Variants in CCNB3 observed in about 807,000 individuals in gnomAD.
The protein encoded by CCNB3 is cyclin B3.
In CCNB3, 12 loss-of-function variants were observed where a neutral mutation model predicts 68.0. The observed-to-expected ratio is 0.18, with a 90% confidence interval of 0.11 to 0.29. The LOEUF (loss-of-function observed/expected upper bound fraction) is 0.29, where lower values mean the gene tolerates loss of function less well. Among genes scored for constraint, CCNB3 ranks in the 10% least tolerant of loss-of-function variants. The pLI is 1.00. For synonymous variants in CCNB3, 354 were observed against 388.9 expected, an observed-to-expected ratio of 0.91 and a Z score of 1.06; for missense variants, 904 against 993.1, an observed-to-expected ratio of 0.91 and a Z score of 1.21.
At chrX:50,203,854 G>A (rs1444502726), upstream of CCNB3, among the ~76,000 whole-genome samples, 3 of 111,611 alleles carry the variant, frequency 2.7e-5, no homozygotes, top group African/African-American at 9.8e-5. Context: ...CCATAACCTT[G>A]CGGTAGAAAA....
At chrX:50,284,427 T>A (rs1936199959) in intron 1 of CCNB3, 115 bp from the exon 2 acceptor site, 1 of 112,004 alleles carries the variant, frequency 8.9e-6, no homozygotes, top group South Asian at 3.7e-4. Flanking sequence ...GGCATTTAGT[T>A]CTCACAGTTC....
chrX:50,311,594 T>TTTG (rs1203334748), intron 6 of CCNB3, 98 bp downstream of exon 6: 39 of 662,968 alleles, frequency 5.9e-5, no homozygotes, highest in Non-Finnish European at 7.9e-5. Flanking sequence ...GTTTTTGTTT[T>TTTG]TTGTTGTTGT....
At position 50,217,567 on chromosome X, in the gene CCNB3, C is replaced by T. The variant is rs953697922; in HGVS notation, c.-113+12617C>T. Reference sequence around the variant, plus strand: ...GATTACAGGCATGAGCCACCGCACCCGGCCATTTTTCCCTTCACTGTTGAA... The same window carrying T: ...GATTACAGGCATGAGCCACCGCACCTGGCCATTTTTCCCTTCACTGTTGAA... On this transcript the variant is annotated intron_variant, in intron 1 of 12. Transcript: ENST00000376042. Among the ~76,000 whole-genome samples the T allele has an allele frequency of 3.6e-5, 4 of 111,056 alleles. No individual in the cohort carries two copies. In the East Asian group the frequency reaches 8.5e-4, roughly 24 times the overall value.
Position 50,331,114 on chromosome X carries a change from A to G in CCNB3, c.3517-11088A>G, listed in dbSNP as rs782792425. On this transcript the variant is annotated intron_variant, in intron 8 of 12. Coordinates refer to ENST00000376042, the MANE Select transcript of CCNB3 (RefSeq NM_033031.3). ...CCATTCATCATCTTTCTAATTTCCT[A>G]TAGCTATGCTTCTCTTTTTGCGGGA... is the stretch of plus-strand genomic sequence containing the variant. 7.2e-5 allele frequency among the ~76,000 whole-genome samples: 8 copies of G among 111,838 alleles called. No individual in the cohort carries two copies. In the South Asian group the frequency reaches 1.1e-3, roughly 16 times the overall value.
At chrX:50,344,661 G>T (rs1557220043) in intron 9 of CCNB3, among the ~76,000 whole-genome samples, 1 of 111,665 alleles carries the variant, frequency 9.0e-6, no homozygotes, top group Non-Finnish European at 1.9e-5. Context: ...GTCTCAATCT[G>T]CTTATATAAC....
intron 1 of CCNB3, among the ~76,000 whole-genome samples, chrX:50,216,853 C>CTGTGTGTG (rs1225678352): frequency 2.8e-5 from 3 of 107,222 alleles, no homozygotes; most frequent in African/African-American, 1.0e-4. Context: ...GGGTATTACT[C>CTGTGTGTG]TGTGTGTGTG....
chrX:50,345,928 C>T (rs1482481349), intron 9 of CCNB3, among the ~76,000 whole-genome samples: 7 of 112,424 alleles, frequency 6.2e-5, no homozygotes, highest in Middle Eastern at 4.6e-3. Context: ...AAAGCTGTTG[C>T]GGGCAGTAAG....
Position 50,288,902 on chromosome X carries a change from C to A in CCNB3, c.204+15C>A, listed in dbSNP as rs1557209737. 3.7e-6 allele frequency: 4 copies of A among 1,070,284 alleles called. No homozygotes were observed. In the African/African-American group the frequency reaches 5.5e-5, roughly 15 times the overall value. 88.2% of individuals were successfully genotyped at this position (1,070,284 alleles called of 1,213,427 possible). On this transcript the variant is annotated intron_variant, in intron 4 of 12. Coordinates refer to ENST00000376042, the MANE Select transcript of CCNB3 (RefSeq NM_033031.3). ...ATCTCACTAATGTGAGTATGCTAGTCCAATCCTTTGCTATGGTTTTGCATA... is the reference window on the plus strand; with the variant it reads ...ATCTCACTAATGTGAGTATGCTAGTACAATCCTTTGCTATGGTTTTGCATA...
intron 11 of CCNB3, among the ~76,000 whole-genome samples, chrX:50,349,515 G>A (rs1278061645): frequency 1.8e-5 from 2 of 112,237 alleles, no homozygotes; most frequent in Non-Finnish European, 3.8e-5. Flanking sequence ...ATATAAAGGT[G>A]GGAACACCAG....
At chrX:50,214,113 G>A (rs1935524458) in intron 1 of CCNB3, among the ~76,000 whole-genome samples, 1 of 110,335 alleles carries the variant, frequency 9.1e-6, no homozygotes, top group Non-Finnish European at 1.9e-5. Flanking sequence ...GCCCAATGCT[G>A]TTAACTACAG....
chrX:50,203,356 T>A (rs1557205049), upstream of CCNB3, among the ~76,000 whole-genome samples: 2 of 112,626 alleles, frequency 1.8e-5, no homozygotes, highest in African/African-American at 6.5e-5. Context: ...TCACTGTCTG[T>A]CTGGTAGTCT....
intron 9 of CCNB3, among the ~76,000 whole-genome samples, chrX:50,345,156 A>T (rs1407889848): frequency 1.0e-5 from 1 of 98,869 alleles, no homozygotes; most frequent in Non-Finnish European, 2.0e-5. Flanking sequence ...TCCCTCACTC[A>T]CCACCCCACT....
At chrX:50,315,197 C>G (rs1193790343) in intron 8 of CCNB3, among the ~76,000 whole-genome samples, 2 of 110,899 alleles carry the variant, frequency 1.8e-5, no homozygotes, top group African/African-American at 6.6e-5. Flanking sequence ...CCAGACTTAT[C>G]CAATCAGAAT....
Position 50,279,765 on chromosome X carries a change from T to C in CCNB3, c.-112-4777T>C, listed in dbSNP as rs1326739241. On this transcript the variant is annotated intron_variant, in intron 1 of 12. Coordinates refer to ENST00000376042, the MANE Select transcript of CCNB3 (RefSeq NM_033031.3). ...GTATATTCATATATGTAAATATATA[T>C]GAATATGTATATTCATATATGTAAA... Among the ~76,000 whole-genome samples, 13 of 89,667 alleles carry C rather than the reference T, an allele frequency of 1.4e-4. No individual in the cohort carries two copies. In the East Asian group the frequency reaches 4.1e-3, roughly 28 times the overall value. The allele number at this position is 89,667 out of a possible 115,157, so 77.9% of individuals were successfully genotyped here.
Position 50,310,471 on chromosome X carries a change from T to C in CCNB3, c.2302T>C (p.Leu768=). The C allele has an allele frequency of 8.3e-7, 1 of 1,210,092 alleles. No homozygotes were observed. The highest frequency in any genetic ancestry group is 1.1e-6 in the Non-Finnish European group (1 of 894,607). ...GTTCTTCCTGAAGAAGCAGTTGGCTTTGAATGAGACCATCAATGAAGAGGA... is the reference window on the plus strand; with the variant it reads ...GTTCTTCCTGAAGAAGCAGTTGGCTCTGAATGAGACCATCAATGAAGAGGA... ...KVFFLKKQLA[L]NETINEEEFL... Residue 768 remains leucine, a synonymous_variant, in exon 6 of 13, where the codon TTG becomes CTG. Transcript: ENST00000376042.
At chrX:50,331,990 A>G (rs1922619127) in intron 8 of CCNB3, among the ~76,000 whole-genome samples, 1 of 111,365 alleles carries the variant, frequency 9.0e-6, no homozygotes, top group Non-Finnish European at 1.9e-5. Flanking sequence ...AGTGGCCCAA[A>G]TGACACAAGA....
rs137958884 is a variant in CCNB3 at position 50,312,545 on chromosome X, A to G, written c.3336A>G (p.Pro1112=). The change falls in exon 7 of 13, where the codon CCA becomes CCG. Residue 1112 remains proline, a synonymous_variant. Transcript: ENST00000376042. ...QAKGTPKEIT[P]REDIDEDSSD... is the part of the protein sequence containing the mutation. ...TGGTGATTTCTAAGCAGATAACCCC[A>G]CGGGAAGATATTGATGAGGACAGCA... The G allele has an allele frequency of 3.1e-5, 37 of 1,199,961 alleles. No individual in the cohort carries two copies. In the African/African-American group the frequency reaches 6.0e-4, roughly 19 times the overall value.
At chrX:50,227,539 AAT>A (rs2083611485) in intron 1 of CCNB3, among the ~76,000 whole-genome samples, 1 of 82,063 alleles carries the variant, frequency 1.2e-5, no homozygotes, top group Non-Finnish European at 2.3e-5. Flanking sequence ...AATATATATA[AAT>A]ATATAGAGAG....
At chrX:50,295,122 G>A (rs1936428597) in intron 5 of CCNB3, 129 bp downstream of exon 5, 3 of 656,596 alleles carry the variant, frequency 4.6e-6, no homozygotes, top group Middle Eastern at 3.5e-4. Context: ...TGCTGAGGTG[G>A]GCTCAGCTGT....
Sources: allele counts gnomAD v4.1 joint callset (sites outside exome capture counted in the v4.1 genomes callset), GRCh38; gene constraint gnomAD v4.1.1; transcripts MANE v1.5; gene names NCBI Gene and HGNC (gene_info 2026-07-23, HGNC 2026-07-21).